Variants in NSUN4 observed in about 807,000 individuals in gnomAD.
The protein encoded by NSUN4 is 5-cytosine rRNA methyltransferase NSUN4.
Under a neutral mutation model 43.8 loss-of-function variants are expected in NSUN4, and 31 were observed. That is an observed-to-expected ratio of 0.71 (90% CI 0.53 to 0.96). The LOEUF (loss-of-function observed/expected upper bound fraction) is 0.96, where lower values mean the gene tolerates loss of function less well. Among genes scored for constraint, NSUN4 ranks in the 40% least tolerant of loss-of-function variants. NSUN4 has a pLI of 0.00. For synonymous variants in NSUN4, 167 were observed against 184.1 expected (o/e 0.91, Z 0.75); for missense variants, 439 against 475.6 (o/e 0.92, Z 0.72).
downstream of NSUN4, among the ~76,000 whole-genome samples, chr1:46,365,852 G>A (rs368305594): frequency 7.9e-5 from 12 of 152,256 alleles, no homozygotes; most frequent in East Asian, 2.3e-3. Context: ...AGTGGGCCGG[G>A]CAGTGTGGCT....
intron 4 of NSUN4, among the ~76,000 whole-genome samples, chr1:46,360,249 A>AAAAAAAAAAAAATATATATATAT (rs1553177947): frequency 7.8e-5 from 2 of 25,770 alleles, no homozygotes; most frequent in Non-Finnish European, 1.4e-4. Flanking sequence ...AAAAAAAAAA[A>AAAAAAAAAAAAATATATATATAT]ATATATATAT....
rs117359617 is a variant in NSUN4, at chr1:46,361,014, A to G, written c.878+186A>G. On this transcript the variant is annotated intron_variant, in intron 5 of 5. Coordinates refer to ENST00000474844, the MANE Select transcript of NSUN4 (RefSeq NM_199044.4). ...CTATTTGAATTAGCTGGGTGTGGAG[A>G]TGCACACCTGTAGTCCCAGCTACTC... Among the ~76,000 whole-genome samples the G allele has an allele frequency of 1.1e-3, 174 of 152,092 alleles. 1 individual carries two copies. The East Asian group carries it at 0.032, about 28-fold the overall frequency.
chr1:46,369,294 A>T (rs531928894), downstream of NSUN4, among the ~76,000 whole-genome samples: 1 of 152,286 alleles, frequency 6.6e-6, no homozygotes, highest in Non-Finnish European at 1.5e-5. Flanking sequence ...TTATTTTTGC[A>T]TCCCTAACCC....
At chr1:46,341,420 C>T (rs1362395764) in intron 1 of NSUN4, 3 of 1,005,706 alleles carry the variant, frequency 3.0e-6, no homozygotes, top group South Asian at 8.9e-5. Flanking sequence ...CCTTCCTCAA[C>T]CTCGAGCTGC....
chr1:46,374,337 C>T, the NSUN4 span, among the ~76,000 whole-genome samples: 33 of 147,218 alleles, frequency 2.2e-4, no homozygotes, highest in African/African-American at 3.8e-4. Context: ...TGGCCAGGCA[C>T]GGTGGCTCAT....
downstream of NSUN4, among the ~76,000 whole-genome samples, chr1:46,366,704 C>CAAAAAAAAAA (rs34437222): frequency 0.013 from 758 of 59,216 alleles, no homozygotes; most frequent in Middle Eastern, 0.032. Flanking sequence ...ACTAAAAATA[C>CAAAAAAAAAA]AAAAAAAAAA....
the NSUN4 span, among the ~76,000 whole-genome samples, chr1:46,376,279 G>A: frequency 8.7e-5 from 13 of 149,640 alleles, no homozygotes; most frequent in Admixed American, 8.7e-4. Context: ...TGTAGTGGTG[G>A]GGCACCTGTA....
chr1:46,361,436 G>C (rs2148419118), intron 5 of NSUN4, 134 bp from the exon 6 acceptor site: 2 of 738,136 alleles, frequency 2.7e-6, no homozygotes, highest in African/African-American at 3.5e-5. Context: ...CATTGTGGAA[G>C]GGACTTGAGA....
At chr1:46,341,630 A>C in intron 1 of NSUN4, 4 of 1,188,906 alleles carry the variant, frequency 3.4e-6, no homozygotes, top group East Asian at 3.6e-5. Context: ...TTCCCTCGCC[A>C]CCTCCACCAT....
At chr1:46,376,727 TG>T in the NSUN4 span, among the ~76,000 whole-genome samples, 3 of 152,048 alleles carry the variant, frequency 2.0e-5, no homozygotes, top group Non-Finnish European at 4.4e-5. Context: ...TGTGTGTGTG[TG>T]TGTGTGTGTG....
Position 46,362,357 on chromosome 1 carries a change from C to T in NSUN4, c.*511C>T, listed in dbSNP as rs2148421722. ...GCCCGCCTGGTTTTTCCATATGGCT[C>T]ATGATCTAATTTAAGGAACAAGTAA... On this transcript the variant is annotated 3_prime_UTR_variant, in exon 6 of 6. Transcript: ENST00000474844. The T allele has an allele frequency of 6.4e-6, 1 of 155,046 alleles. No individual in the cohort carries two copies. Among genetic ancestry groups the T allele is most frequent in the East Asian group, 1.9e-4 (1 of 5,248 alleles). The allele number at this position is 155,046 out of a possible 1,614,324, so 9.6% of individuals were successfully genotyped here.
At chr1:46,355,286 CTGT>C (rs1037369398) in intron 4 of NSUN4, among the ~76,000 whole-genome samples, 1 of 152,190 alleles carries the variant, frequency 6.6e-6, no homozygotes, top group Non-Finnish European at 1.5e-5. Flanking sequence ...CACTGAGATT[CTGT>C]TGTTGAACAC....
At chr1:46,366,704 C>CAA (rs34437222), downstream of NSUN4, among the ~76,000 whole-genome samples, 814 of 59,372 alleles carry the variant, frequency 0.014, 8 homozygotes, top group East Asian at 0.028. Context: ...ACTAAAAATA[C>CAA]AAAAAAAAAA....
chr1:46,340,871 TGTGGACCTCGCGA>T lies in NSUN4; in HGVS notation c.46_58del (p.Val16ArgfsTer31). Reference sequence around the variant, plus strand: ...GGGGTGTCCGGGAGCTGCTGAAGCGTGTGGACCTCGCGACGGTCCCGCGGAGACATCGATATAA... The same window carrying T: ...GGGGTGTCCGGGAGCTGCTGAAGCGTCGGTCCCGCGGAGACATCGATATAA... On this transcript the variant is annotated frameshift_variant, in exon 1 of 6. Transcript: ENST00000474844. LOFTEE classifies it high-confidence loss of function. 1 of 1,613,624 alleles carries T rather than the reference TGTGGACCTCGCGA, an allele frequency of 6.2e-7. No individual in the cohort carries two copies. The highest frequency in any genetic ancestry group is 1.1e-5 in the South Asian group (1 of 91,050).
At chr1:46,366,885 G>A (rs1664149512), downstream of NSUN4, among the ~76,000 whole-genome samples, 1 of 152,158 alleles carries the variant, frequency 6.6e-6, no homozygotes, top group Non-Finnish European at 1.5e-5. Flanking sequence ...AACCACAGCA[G>A]AGGGTCAGGT....
intron 1 of NSUN4, chr1:46,341,678 A>T (rs1210018411): frequency 1.6e-6 from 2 of 1,228,190 alleles, no homozygotes; most frequent in African/African-American, 3.1e-5. Context: ...ACTCAGGGAG[A>T]TGGTCTTTTG....
intron 4 of NSUN4, among the ~76,000 whole-genome samples, chr1:46,353,464 A>G: frequency 6.6e-6 from 1 of 151,668 alleles, no homozygotes; most frequent in East Asian, 1.9e-4. Flanking sequence ...TCCCCACCCT[A>G]TAGATAACGA....
chr1:46,350,449 T>G (rs996826839), intron 3 of NSUN4, among the ~76,000 whole-genome samples: 14 of 152,206 alleles, frequency 9.2e-5, no homozygotes, highest in Admixed American at 2.0e-4. Context: ...AGGTGGACAC[T>G]TGCATCTCGC....
downstream of NSUN4, among the ~76,000 whole-genome samples, chr1:46,368,000 A>G (rs1298750703): frequency 6.6e-6 from 1 of 152,030 alleles, no homozygotes; most frequent in Non-Finnish European, 1.5e-5. Flanking sequence ...CTTGAGCTCA[A>G]GTGATCAGCC....
Sources: allele counts gnomAD v4.1 joint callset (sites outside exome capture counted in the v4.1 genomes callset), GRCh38; gene constraint gnomAD v4.1.1; transcripts MANE v1.5; gene names NCBI Gene and HGNC (gene_info 2026-07-23, HGNC 2026-07-21).